The following PRKACB variants were observed in gnomAD, a reference collection of about 807,000 sequenced individuals.
The protein encoded by PRKACB is cAMP-dependent protein kinase catalytic subunit beta.
A neutral mutation model predicts 51.4 loss-of-function variants in PRKACB; 16 were observed. The ratio of observed to expected loss-of-function variants is 0.31; its 90% CI spans 0.21 to 0.47. The LOEUF is 0.47. Ranked by LOEUF, PRKACB falls within the 20% of genes least tolerant of loss-of-function variation. The probability of loss-of-function intolerance (pLI) is 1.00; values close to 1 mark genes in which losing one functional copy is unlikely to be tolerated. For synonymous variants in PRKACB, 147 were observed against 154.4 expected, an observed-to-expected ratio of 0.95 and a Z score of 0.35; for missense variants, 309 against 464.5, an observed-to-expected ratio of 0.67 and a Z score of 3.08.
At chr1:84,105,773 T>G (rs1236998099) in intron 1 of PRKACB, among the ~76,000 whole-genome samples, 3 of 151,982 alleles carry the variant, frequency 2.0e-5, no homozygotes, top group African/African-American at 7.2e-5. Flanking sequence ...AGATGGGATT[T>G]TGACGTATTG....
chr1:84,220,276 G>A (rs1489903767), intron 9 of PRKACB, among the ~76,000 whole-genome samples: 1 of 151,876 alleles, frequency 6.6e-6, no homozygotes. Context: ...TTGGTGTATC[G>A]AAATGTCACT....
At chr1:84,118,059 C>T (rs538236273) in intron 1 of PRKACB, among the ~76,000 whole-genome samples, 5 of 152,190 alleles carry the variant, frequency 3.3e-5, no homozygotes, top group African/African-American at 1.2e-4. Context: ...AAGTCACCAA[C>T]CATGCTAGTT....
intron 8 of PRKACB, among the ~76,000 whole-genome samples, chr1:84,207,561 A>G (rs1006662095): frequency 6.6e-6 from 1 of 152,174 alleles, no homozygotes; most frequent in African/African-American, 2.4e-5. Context: ...TATTTTGAGA[A>G]CTTACTGTAC....
chr1:84,110,588 C>T (rs974727201), intron 1 of PRKACB, among the ~76,000 whole-genome samples: 2 of 151,800 alleles, frequency 1.3e-5, no homozygotes, highest in Non-Finnish European at 1.5e-5. Context: ...ATATCTATTC[C>T]TTCCTGCCGT....
At chr1:84,234,450 A>C (rs1294855237) in intron 9 of PRKACB, among the ~76,000 whole-genome samples, 1 of 152,188 alleles carries the variant, frequency 6.6e-6, no homozygotes, top group Non-Finnish European at 1.5e-5. Flanking sequence ...ACCCAGTTCG[A>C]GCTTCCCAGC....
intron 1 of PRKACB, among the ~76,000 whole-genome samples, chr1:84,176,909 T>C (rs917351234): frequency 2.1e-4 from 32 of 151,952 alleles, no homozygotes; most frequent in African/African-American, 7.5e-4. Context: ...ATGCCGGAAA[T>C]TTTTCTTTTA....
At chr1:84,136,342 C>G (rs1464037384) in intron 1 of PRKACB, among the ~76,000 whole-genome samples, 1 of 151,578 alleles carries the variant, frequency 6.6e-6, no homozygotes, top group Non-Finnish European at 1.5e-5. Flanking sequence ...ACAAACAACC[C>G]TATTAAAAAG....
intron 1 of PRKACB, among the ~76,000 whole-genome samples, chr1:84,078,630 G>T (rs1647278559): frequency 6.6e-6 from 1 of 152,218 alleles, no homozygotes. Flanking sequence ...TCTCACTCTA[G>T]CGAGGAGGAC....
At chr1:84,173,461 C>A in intron 1 of PRKACB, 1 of 962,874 alleles carries the variant, frequency 1.0e-6, no homozygotes, top group Non-Finnish European at 1.6e-6. Context: ...TGAGTTTTTA[C>A]AATTCTGTTT....
chr1:84,209,273 T>C (rs1410116015), intron 8 of PRKACB, among the ~76,000 whole-genome samples: 1 of 152,130 alleles, frequency 6.6e-6, no homozygotes, highest in Non-Finnish European at 1.5e-5. Flanking sequence ...AATTCCATAC[T>C]CTTGTATCTA....
At chr1:84,091,903 A>C (rs1648504998) in intron 1 of PRKACB, among the ~76,000 whole-genome samples, 1 of 152,140 alleles carries the variant, frequency 6.6e-6, no homozygotes, top group African/African-American at 2.4e-5. Flanking sequence ...TGACCCAAAA[A>C]TCTTCAAATG....
intron 1 of PRKACB, among the ~76,000 whole-genome samples, chr1:84,153,785 A>T (rs1435074387): frequency 6.6e-6 from 1 of 152,182 alleles, no homozygotes; most frequent in African/African-American, 2.4e-5. Context: ...CAGTGTGTAG[A>T]ATACCATACG....
chr1:84,083,539 G>A (rs1390569238), intron 1 of PRKACB, among the ~76,000 whole-genome samples: 12 of 152,218 alleles, frequency 7.9e-5, no homozygotes, highest in African/African-American at 2.9e-4. Flanking sequence ...AGCAGCACGT[G>A]AGAAGGTCCT....
intron 1 of PRKACB, among the ~76,000 whole-genome samples, chr1:84,115,625 A>G (rs1650570831): frequency 6.6e-6 from 1 of 151,894 alleles, no homozygotes; most frequent in African/African-American, 2.4e-5. Context: ...GCTCACGCCT[A>G]TAATCTCAGC....
intron 4 of PRKACB, 53 bp downstream of exon 4, chr1:84,184,188 G>C (rs546959245): frequency 1.4e-6 from 2 of 1,475,274 alleles, no homozygotes; most frequent in South Asian, 2.6e-5. Flanking sequence ...TTTTTTTTAA[G>C]ATGAAACTAT....
chr1:84,094,885 T>C (rs113328662), intron 1 of PRKACB, among the ~76,000 whole-genome samples: 3 of 152,142 alleles, frequency 2.0e-5, no homozygotes, highest in Non-Finnish European at 2.9e-5. Context: ...AAAAACATAC[T>C]GAATATACAA....
At chr1:84,156,324 A>G (rs1028181849) in intron 1 of PRKACB, among the ~76,000 whole-genome samples, 2 of 152,014 alleles carry the variant, frequency 1.3e-5, no homozygotes, top group African/African-American at 2.4e-5. Context: ...TGATTTTACC[A>G]CTGCTACATT....
intron 1 of PRKACB, among the ~76,000 whole-genome samples, chr1:84,146,145 GT>G (rs71097834): frequency 4.2e-5 from 6 of 142,112 alleles, no homozygotes; most frequent in African/African-American, 8.0e-5. Flanking sequence ...ATGCTGTTTT[GT>G]TTTTTTTTTA....
chr1:84,170,760 A>G (rs766159944), intron 1 of PRKACB, among the ~76,000 whole-genome samples: 1 of 151,710 alleles, frequency 6.6e-6, no homozygotes. Context: ...ACATATGACT[A>G]CTATATTAAA....
Sources: allele counts gnomAD v4.1 joint callset (sites outside exome capture counted in the v4.1 genomes callset), GRCh38; gene constraint gnomAD v4.1.1; transcripts MANE v1.5; gene names NCBI Gene and HGNC (gene_info 2026-07-23, HGNC 2026-07-21).